DNAH14: variants seen among roughly 807,000 people sequenced by gnomAD.
DNAH14 encodes the protein axonemal beta dynein heavy chain 14.
DNAH14 carries 478 observed loss-of-function variants against 520.9 expected under a neutral mutation model. The ratio of observed to expected loss-of-function variants is 0.92; its 90% CI spans 0.85 to 0.99. The LOEUF (loss-of-function observed/expected upper bound fraction) is 0.99. Ranked by LOEUF, DNAH14 falls within the 50% of genes least tolerant of loss-of-function variation. The probability of loss-of-function intolerance (pLI) is 0.00; values close to 1 mark genes in which losing one functional copy is unlikely to be tolerated. For synonymous variants in DNAH14, 1,581 were observed against 1,757.2 expected (o/e 0.90, Z 2.51); for missense variants, 4,831 against 5,234.5 (o/e 0.92, Z 2.38).
chr1:225,332,584 A>G (rs1365613714), intron 65 of DNAH14, among the ~76,000 whole-genome samples: 1 of 152,152 alleles, frequency 6.6e-6, no homozygotes, highest in Non-Finnish European at 1.5e-5. Context: ...GAAGTTTTCA[A>G]AGTAAAATGT....
intron 81 of DNAH14, among the ~76,000 whole-genome samples, chr1:225,382,938 T>C (rs1307284529): frequency 2.0e-5 from 3 of 152,160 alleles, no homozygotes; most frequent in Admixed American, 1.3e-4. Context: ...CTGTGCTAAG[T>C]GTAGGAAGGC....
intron 1 of DNAH14, among the ~76,000 whole-genome samples, chr1:224,941,707 A>G (rs1276321194): frequency 6.6e-6 from 1 of 152,202 alleles, no homozygotes; most frequent in Admixed American, 6.5e-5. Context: ...GAAGGGATCC[A>G]GTTTCAGCTT....
chr1:224,959,839 C>CT (rs1002312591), intron 3 of DNAH14, among the ~76,000 whole-genome samples: 9 of 152,246 alleles, frequency 5.9e-5, no homozygotes, highest in Non-Finnish European at 1.3e-4. Context: ...TTAGTAAGCA[C>CT]TTACTGTGTG....
intron 38 of DNAH14, among the ~76,000 whole-genome samples, chr1:225,194,641 G>A (rs931522202): frequency 6.6e-6 from 1 of 152,026 alleles, no homozygotes; most frequent in African/African-American, 2.4e-5. Flanking sequence ...GACACCAAAA[G>A]CAATTGCAAT....
At chr1:224,933,370 A>G (rs2058821883) in intron 1 of DNAH14, among the ~76,000 whole-genome samples, 1 of 151,998 alleles carries the variant, frequency 6.6e-6, no homozygotes, top group Non-Finnish European at 1.5e-5. Flanking sequence ...TATGATCAAC[A>G]GAGAGGGACC....
At position 225,398,441 on chromosome 1, in the gene DNAH14, C is replaced by A; in HGVS notation, c.13492-79C>A. On this transcript the variant is annotated intron_variant, in intron 84 of 85. Transcript: ENST00000682510. ...GCAGGATGAGCCCCTCTGGATCGGT[C>A]GGCTCAATTCCGGACGGAGCCTCCA... 2.7e-6 allele frequency: 4 copies of A among 1,488,040 alleles called. No homozygotes were observed. In the South Asian group the frequency reaches 3.9e-5, roughly 14 times the overall value. The allele number at this position is 1,488,040 out of a possible 1,614,324, so 92.2% of individuals were successfully genotyped here. A position where few individuals can be genotyped will look rare whatever the true frequency, so the allele number is the denominator to read the frequency against.
rs547435453 is a variant in DNAH14, at chr1:225,324,749, A to G, written c.9640A>G (p.Lys3214Glu). Residue 3214 changes from lysine to glutamate, a missense_variant, in exon 64 of 86, where the codon AAA becomes GAA. By Grantham distance (56) the Lys-to-Glu change is moderately conservative. Coordinates refer to ENST00000682510, the MANE Select transcript of DNAH14 (RefSeq NM_001367479.1). ...CATTCTCTTTAAGGTTGTGGGCCCTAAACAAATCCAAGTAGCTGAAGCTCA... is the reference window on the plus strand; with the variant it reads ...CATTCTCTTTAAGGTTGTGGGCCCTGAACAAATCCAAGTAGCTGAAGCTCA... ...YHEVQKVVGP[K>E]QIQVAEAQNV... The G allele has an allele frequency of 2.1e-5, 33 of 1,551,482 alleles. No individual in the cohort carries two copies. In the South Asian group the frequency reaches 3.7e-4, roughly 17 times the overall value.
intron 60 of DNAH14, among the ~76,000 whole-genome samples, chr1:225,311,797 G>T (rs2094371526): frequency 6.6e-6 from 1 of 152,070 alleles, no homozygotes; most frequent in African/African-American, 2.4e-5. Context: ...CTGTTCCATT[G>T]GTCTATATAT....
chr1:225,394,971 C>A (rs1254663560), intron 84 of DNAH14, among the ~76,000 whole-genome samples: 1 of 152,100 alleles, frequency 6.6e-6, no homozygotes, highest in Non-Finnish European at 1.5e-5. Context: ...TTCCCTACTT[C>A]AACTTTGTCA....
chr1:225,307,594 T>C, intron 59 of DNAH14, 25 bp downstream of exon 59: 1 of 1,494,770 alleles, frequency 6.7e-7, no homozygotes, highest in Non-Finnish European at 9.0e-7. Context: ...AAATCTCTTT[T>C]AAAGATTTTA....
chr1:225,329,877 G>A (rs1459188254), intron 64 of DNAH14, among the ~76,000 whole-genome samples: 1 of 152,026 alleles, frequency 6.6e-6, no homozygotes, highest in Non-Finnish European at 1.5e-5. Context: ...CCACAGAATA[G>A]GAGAAATTAT....
At chr1:225,156,667 T>C (rs2081069195) in intron 34 of DNAH14, among the ~76,000 whole-genome samples, 1 of 152,102 alleles carries the variant, frequency 6.6e-6, no homozygotes, top group East Asian at 1.9e-4. Flanking sequence ...CATGTGATTT[T>C]ATTTACATCT....
chr1:225,396,102 T>C (rs760048675), intron 84 of DNAH14: 2 of 152,194 alleles, frequency 1.3e-5, no homozygotes, highest in Non-Finnish European at 2.9e-5. Context: ...ATGATGATGG[T>C]GGCGTGTCCT....
intron 77 of DNAH14, among the ~76,000 whole-genome samples, chr1:225,371,317 T>A (rs1355046972): frequency 1.3e-5 from 2 of 152,148 alleles, no homozygotes; most frequent in Non-Finnish European, 2.9e-5. Context: ...AACTGGAAAT[T>A]TATAATCCTA....
chr1:225,118,486 A>T (rs548909164), intron 25 of DNAH14, among the ~76,000 whole-genome samples: 1 of 152,208 alleles, frequency 6.6e-6, no homozygotes. Flanking sequence ...GGGCTCTCTA[A>T]CCTTTGGCAA....
chr1:225,201,034 G>A (rs1030247749), intron 38 of DNAH14, among the ~76,000 whole-genome samples: 3 of 151,560 alleles, frequency 2.0e-5, no homozygotes, highest in African/African-American at 7.3e-5. Context: ...CAGACTTCTT[G>A]GAGGCTTTGT....
intron 55 of DNAH14, among the ~76,000 whole-genome samples, chr1:225,292,042 G>T (rs560104245): frequency 1.6e-4 from 25 of 152,102 alleles, no homozygotes; most frequent in African/African-American, 6.0e-4. Flanking sequence ...TCTGTAGTTT[G>T]TCTTTTCATT....
chr1:225,148,536 G>A (rs2080174547), intron 31 of DNAH14, among the ~76,000 whole-genome samples: 1 of 151,600 alleles, frequency 6.6e-6, no homozygotes, highest in Non-Finnish European at 1.5e-5. Flanking sequence ...TGAGTAGCTG[G>A]GATTACAGGC....
At chr1:224,950,844 C>T (rs1396990184) in intron 1 of DNAH14, among the ~76,000 whole-genome samples, 1 of 151,832 alleles carries the variant, frequency 6.6e-6, no homozygotes, top group South Asian at 2.1e-4. Flanking sequence ...CAAAAGAACA[C>T]TATTTTGCTC....
Sources: allele counts gnomAD v4.1 joint callset (sites outside exome capture counted in the v4.1 genomes callset), GRCh38; gene constraint gnomAD v4.1.1; transcripts MANE v1.5; gene names NCBI Gene and HGNC (gene_info 2026-07-23, HGNC 2026-07-21).